RAD54B: variants seen among roughly 807,000 people sequenced by gnomAD.
RAD54B encodes the protein DNA repair and recombination protein RAD54B.
A neutral mutation model predicts 95.8 loss-of-function variants in RAD54B; 78 were observed. The observed-to-expected ratio is 0.81, with a 90% confidence interval of 0.68 to 0.98. The LOEUF (loss-of-function observed/expected upper bound fraction) is 0.98, where lower values mean the gene tolerates loss of function less well. Among genes scored for constraint, RAD54B ranks in the 50% least tolerant of loss-of-function variants. The pLI is 0.00. For missense variants in RAD54B, 957 were observed against 1,056.6 expected, an observed-to-expected ratio of 0.91 and a Z score of 1.31; for synonymous variants, 328 against 354.9, an observed-to-expected ratio of 0.92 and a Z score of 0.85.
intron 5 of RAD54B, among the ~76,000 whole-genome samples, 190 bp from the exon 6 acceptor site, chr8:94,404,429 G>A (rs1201631976): frequency 6.6e-6 from 1 of 152,270 alleles, no homozygotes; most frequent in East Asian, 1.9e-4. Flanking sequence ...ACTGATGAAC[G>A]ATTTCATGCA....
At chr8:94,412,252 GAAGTT>G (rs1472971828) in intron 3 of RAD54B, among the ~76,000 whole-genome samples, 3 of 152,086 alleles carry the variant, frequency 2.0e-5, no homozygotes, top group African/African-American at 7.2e-5. Context: ...CCTATACCAA[GAAGTT>G]TTTAATCCAT....
chr8:94,430,226 G>A (rs947095212), intron 3 of RAD54B: 22 of 722,350 alleles, frequency 3.0e-5, no homozygotes, highest in Admixed American at 1.3e-4. Flanking sequence ...CAGGAGAATC[G>A]CTTGAACCCA....
chr8:94,432,061 C>T (rs1812112132), intron 3 of RAD54B: 3 of 1,467,844 alleles, frequency 2.0e-6, no homozygotes, highest in African/African-American at 2.9e-5. Context: ...TATTCTGTTT[C>T]AGGATATTCC....
At chr8:94,403,842 C>T (rs992491804) in intron 6 of RAD54B, among the ~76,000 whole-genome samples, 1 of 150,718 alleles carries the variant, frequency 6.6e-6, no homozygotes, top group East Asian at 1.9e-4. Flanking sequence ...AAGTAAGGAC[C>T]GTGGTCCTGA....
At chr8:94,432,609 A>G in intron 3 of RAD54B, 1 of 1,549,594 alleles carries the variant, frequency 6.5e-7, no homozygotes, top group Non-Finnish European at 8.7e-7. Context: ...ATCCAACATT[A>G]CCTGTAGTGA....
intron 12 of RAD54B, among the ~76,000 whole-genome samples, chr8:94,379,435 C>T (rs1295621297): frequency 6.6e-6 from 1 of 152,180 alleles, no homozygotes; most frequent in Non-Finnish European, 1.5e-5. Flanking sequence ...AAGTGTTGTC[C>T]ATAAAACTCC....
intron 2 of RAD54B, among the ~76,000 whole-genome samples, chr8:94,459,898 C>A (rs1378789200): frequency 1.3e-5 from 2 of 151,296 alleles, no homozygotes; most frequent in African/African-American, 4.9e-5. Flanking sequence ...GTGGCTCACA[C>A]CTGTAATCCC....
chr8:94,391,545 T>A, intron 10 of RAD54B, 64 bp downstream of exon 10: 1 of 1,498,854 alleles, frequency 6.7e-7, no homozygotes, highest in Non-Finnish European at 9.0e-7. Context: ...CTGTCTGCCC[T>A]CTTAGATTCA....
rs189863545 is a variant in RAD54B, at chr8:94,398,416, C to T, written c.1378+998G>A. On this transcript the variant is annotated intron_variant, in intron 8 of 14. Coordinates refer to ENST00000336148, the MANE Select transcript of RAD54B (RefSeq NM_012415.3). ...AACAGAAGAGGAGGAGTTTTCTCCT[C>T]TCTGTTGTTCTGGGGCATATTTCCA... Among the ~76,000 whole-genome samples, 1,107 of 152,166 alleles carry T rather than the reference C, an allele frequency of 7.3e-3. 16 individuals are homozygous for T. Among genetic ancestry groups the T allele is most frequent in the South Asian group, 0.059 (282 of 4,806 alleles).
chr8:94,425,816 GA>G (rs200507754), intron 3 of RAD54B, among the ~76,000 whole-genome samples: 319 of 132,816 alleles, frequency 2.4e-3, no homozygotes, highest in South Asian at 3.9e-3. Context: ...GTACTAAAAT[GA>G]AAAAAAAAAA....
At chr8:94,383,512 G>A (rs1810793078) in intron 11 of RAD54B, among the ~76,000 whole-genome samples, 1 of 152,188 alleles carries the variant, frequency 6.6e-6, no homozygotes, top group South Asian at 2.1e-4. Flanking sequence ...GGTATTTTGA[G>A]AAAGAAAGAG....
At chr8:94,420,479 C>A (rs1010036706) in intron 3 of RAD54B, among the ~76,000 whole-genome samples, 2 of 151,490 alleles carry the variant, frequency 1.3e-5, no homozygotes, top group Non-Finnish European at 2.9e-5. Flanking sequence ...AGGCTGGTGT[C>A]GAACTCATGA....
intron 6 of RAD54B, among the ~76,000 whole-genome samples, chr8:94,400,711 ATATT>A (rs1283650847): frequency 6.6e-6 from 1 of 152,198 alleles, no homozygotes; most frequent in African/African-American, 2.4e-5. Context: ...TTACATGTAC[ATATT>A]TAGAGGCTAG....
At chr8:94,419,405 G>A (rs1052710245) in intron 3 of RAD54B, among the ~76,000 whole-genome samples, 2 of 152,132 alleles carry the variant, frequency 1.3e-5, no homozygotes, top group Non-Finnish European at 2.9e-5. Context: ...CTACTCGGGA[G>A]GTTGAGGCAG....
At chr8:94,454,066 C>T (rs375412968) in intron 3 of RAD54B, among the ~76,000 whole-genome samples, 2 of 152,034 alleles carry the variant, frequency 1.3e-5, no homozygotes, top group African/African-American at 4.8e-5. Flanking sequence ...GCTGGGATTA[C>T]AGACGTGAGC....
chr8:94,449,715 C>T (rs909172208), intron 3 of RAD54B, among the ~76,000 whole-genome samples: 3 of 152,066 alleles, frequency 2.0e-5, no homozygotes, highest in Non-Finnish European at 4.4e-5. Context: ...TTCAAACATC[C>T]TTTAGGATGA....
chr8:94,447,794 T>G (rs879516695), intron 3 of RAD54B, among the ~76,000 whole-genome samples: 1 of 152,200 alleles, frequency 6.6e-6, no homozygotes, highest in South Asian at 2.1e-4. Context: ...CTGGGATCCA[T>G]CATTTAACAT....
chr8:94,396,726 G>A (rs1287785364), intron 8 of RAD54B, among the ~76,000 whole-genome samples: 11 of 152,100 alleles, frequency 7.2e-5, no homozygotes, highest in Non-Finnish European at 2.9e-5. Flanking sequence ...GGGCTGAACT[G>A]TATCTCCCTA....
chr8:94,434,264 A>T (rs1465831085), intron 3 of RAD54B, among the ~76,000 whole-genome samples: 1 of 151,914 alleles, frequency 6.6e-6, no homozygotes, highest in Non-Finnish European at 1.5e-5. Flanking sequence ...CTACCAAGTA[A>T]ATTAAAAATA....
Sources: allele counts gnomAD v4.1 joint callset (sites outside exome capture counted in the v4.1 genomes callset), GRCh38; gene constraint gnomAD v4.1.1; transcripts MANE v1.5; gene names NCBI Gene and HGNC (gene_info 2026-07-23, HGNC 2026-07-21).